Variants in PHYHIP observed in about 807,000 individuals in gnomAD.
The protein encoded by PHYHIP is phytanoyl-CoA 2-hydroxylase interacting protein, also known as phytanoyl-CoA hydroxylase-interacting protein.
Under a neutral mutation model 26.1 loss-of-function variants are expected in PHYHIP, and 7 were observed. The ratio of observed to expected loss-of-function variants is 0.27; its 90% CI spans 0.15 to 0.50. The LOEUF is 0.50. PHYHIP is among the 20% of genes least tolerant of loss of function. PHYHIP has a pLI of 0.98. For missense variants in PHYHIP, 232 were observed against 454.7 expected, an observed-to-expected ratio of 0.51 and a Z score of 4.45; for synonymous variants, 206 against 183.4, an observed-to-expected ratio of 1.12 and a Z score of -1.00.
Position 22,228,334 on chromosome 8 carries a change from G to A in PHYHIP, c.24C>T (p.His8=). Reference sequence around the variant, plus strand: ...AGGTGATGTTGTTGATCTCAATGCTGTGGGGCGTGGACAGCAGCTCCATGC... The same window carrying A: ...AGGTGATGTTGTTGATCTCAATGCTATGGGGCGTGGACAGCAGCTCCATGC... The part of the protein sequence containing the change: MELLSTP[H]SIEINNITCD... Residue 8 remains histidine (H), a synonymous_variant, in exon 2 of 5, where the codon CAC becomes CAT. Transcript: ENST00000454243. 1 of 1,603,288 alleles carries A rather than the reference G, an allele frequency of 6.2e-7. No individual in the cohort carries two copies. Among genetic ancestry groups the A allele is most frequent in the Non-Finnish European group, 8.5e-7 (1 of 1,175,278 alleles).
chr8:22,222,570 C>T (rs879703422), intron 4 of PHYHIP, among the ~76,000 whole-genome samples: 1 of 152,224 alleles, frequency 6.6e-6, no homozygotes, highest in African/African-American at 2.4e-5. Flanking sequence ...CTGGCCAGGA[C>T]ACTGAACTGT....
chr8:22,225,147 C>T (rs1829716973), intron 3 of PHYHIP, among the ~76,000 whole-genome samples: 2 of 152,116 alleles, frequency 1.3e-5, no homozygotes, highest in African/African-American at 2.4e-5. Flanking sequence ...GCTTTCCCCA[C>T]CAGGAGCAAG....
intron 3 of PHYHIP, among the ~76,000 whole-genome samples, chr8:22,224,906 C>G (rs896780312): frequency 2.0e-5 from 3 of 152,116 alleles, no homozygotes; most frequent in Non-Finnish European, 4.4e-5. Context: ...TCAGGAGAAA[C>G]AGGGAAGGCT....
rs150364926 is a variant in PHYHIP at position 22,220,377 on chromosome 8, G to A, written c.*976C>T. On this transcript the variant is annotated 3_prime_UTR_variant, in exon 5 of 5. Coordinates refer to ENST00000454243, the MANE Select transcript of PHYHIP (RefSeq NM_014759.5). The stretch of plus-strand genomic sequence containing the variant: ...GAGCAGCAGAGGGTCCACAGTCCAG[G>A]TCACGCATGGGCACAGTACAGTCAT... The A allele has an allele frequency of 2.8e-3, 422 of 152,838 alleles. 4 individuals are homozygous for A. The highest frequency in any genetic ancestry group is 4.5e-3 in the Non-Finnish European group (310 of 68,446). 9.5% of individuals were successfully genotyped at this position (152,838 alleles called of 1,614,324 possible). A position where few individuals can be genotyped will look rare whatever the true frequency, so the allele number is the denominator to read the frequency against.
intron 3 of PHYHIP, among the ~76,000 whole-genome samples, 199 bp from the exon 4 acceptor site, chr8:22,224,542 A>G (rs1232018279): frequency 1.3e-5 from 2 of 152,202 alleles, no homozygotes; most frequent in South Asian, 2.1e-4. Context: ...AGAGCGCTGC[A>G]TACTGTCTGT....
intron 3 of PHYHIP, among the ~76,000 whole-genome samples, chr8:22,224,926 A>G (rs1013530439): frequency 4.6e-5 from 7 of 152,192 alleles, no homozygotes; most frequent in Non-Finnish European, 1.0e-4. Context: ...TGGAAACAGG[A>G]TAGCAACATT....
At chr8:22,231,472 C>T (rs1229154158) in intron 1 of PHYHIP, among the ~76,000 whole-genome samples, 5 of 152,254 alleles carry the variant, frequency 3.3e-5, no homozygotes, top group Non-Finnish European at 7.3e-5. Context: ...CGCACACACA[C>T]ACGCCGCGCA....
At chr8:22,224,386 A>G (rs1169662963) in intron 3 of PHYHIP, 43 bp from the exon 4 acceptor site, 1 of 1,173,886 alleles carries the variant, frequency 8.5e-7, no homozygotes, top group Non-Finnish European at 1.3e-6. Flanking sequence ...GGGCCAGCTG[A>G]GGAGCACAAA....
intron 1 of PHYHIP, among the ~76,000 whole-genome samples, chr8:22,230,111 G>A (rs1233516790): frequency 6.6e-6 from 1 of 152,164 alleles, no homozygotes; most frequent in Non-Finnish European, 1.5e-5. Flanking sequence ...AAACCAGTTT[G>A]TAATTCATGG....
chr8:22,225,147 C>A (rs1829716973), intron 3 of PHYHIP, among the ~76,000 whole-genome samples: 2 of 152,116 alleles, frequency 1.3e-5, no homozygotes, highest in South Asian at 4.1e-4. Flanking sequence ...GCTTTCCCCA[C>A]CAGGAGCAAG....
intron 1 of PHYHIP, 164 bp from the exon 2 acceptor site, chr8:22,228,550 G>A: frequency 1.5e-5 from 8 of 545,126 alleles, no homozygotes; most frequent in Admixed American, 3.2e-5. Context: ...GGAGAAGGAT[G>A]ATGGAGGGTG....
chr8:22,221,932 C>CT lies in PHYHIP; in HGVS notation c.459-46dup, dbSNP rs1829638763. On this transcript the variant is annotated intron_variant, in intron 4 of 4. Transcript: ENST00000454243. This position sits in a 1 kb window ranked among gnomAD's most constrained non-coding sequence, Gnocchi z 7.9. The stretch of plus-strand genomic sequence containing the variant: ...ACACCAAAGGGAAGAGAAGATGTGG[C>CT]TGGTGAGCCGGGCTGAGGCTTGGCT... 1.4e-6 allele frequency: 2 copies of CT among 1,449,342 alleles called. No individual in the cohort carries two copies. Among genetic ancestry groups the CT allele is most frequent in the African/African-American group, 2.8e-5 (2 of 70,728 alleles). 89.8% of individuals were successfully genotyped at this position (1,449,342 alleles called of 1,614,324 possible).
At chr8:22,228,757 G>T in intron 1 of PHYHIP, 1 of 161,420 alleles carries the variant, frequency 6.2e-6, no homozygotes, top group Non-Finnish European at 1.4e-5. Flanking sequence ...TGGAGAGGAC[G>T]GGTGAGAGGC....
In PHYHIP at chr8:22,230,488, G is replaced by T. The variant is rs577873333; in HGVS notation, c.-30+1308C>A. On this transcript the variant is annotated intron_variant, in intron 1 of 4. Coordinates refer to ENST00000454243, the MANE Select transcript of PHYHIP (RefSeq NM_014759.5). The stretch of plus-strand genomic sequence containing the variant: ...GGGTGGCAGTGAGTGAGCTGGGGTG[G>T]ACAGAGGGGTGGGTGTGAACCCAAG... Among the ~76,000 whole-genome samples, 3 of 152,188 alleles carry T rather than the reference G, an allele frequency of 2.0e-5. No individual in the cohort carries two copies. The South Asian group carries it at 6.2e-4, about 32-fold the overall frequency.
Position 22,221,732 on chromosome 8 carries a change from C to T in PHYHIP, c.614G>A (p.Arg205His). Residue 205 changes from arginine (R) to histidine (H), a missense_variant, in exon 5 of 5, where the codon CGC (arginine) becomes CAC (histidine). Arg to His is a conservative substitution (Grantham distance 29, BLOSUM62 0). Coordinates refer to ENST00000454243, the MANE Select transcript of PHYHIP (RefSeq NM_014759.5). The surrounding 1 kb of genome is among the most constrained non-coding windows in gnomAD (Gnocchi z 7.9). Reference protein sequence around the residue: ...PPQDSPYGRWRFQIPAQRLFN... With the variant: ...PPQDSPYGRWHFQIPAQRLFN... Reference sequence around the variant, plus strand: ...GAGGCGCTGAGCTGGGATCTGGAAGCGCCAGCGGCCGTAGGGGGAGTCCTG... The same window carrying T: ...GAGGCGCTGAGCTGGGATCTGGAAGTGCCAGCGGCCGTAGGGGGAGTCCTG... The T allele has an allele frequency of 1.2e-6, 2 of 1,613,090 alleles. No individual in the cohort carries two copies. Among genetic ancestry groups the T allele is most frequent in the Non-Finnish European group, 1.7e-6 (2 of 1,179,796 alleles).
intron 4 of PHYHIP, among the ~76,000 whole-genome samples, chr8:22,223,197 A>C (rs1829666985): frequency 6.6e-6 from 1 of 151,880 alleles, no homozygotes; most frequent in Non-Finnish European, 1.5e-5. Flanking sequence ...ACCCCACTTC[A>C]TTAAAAATAC....
chr8:22,228,129 C>T (rs528818252), intron 2 of PHYHIP, 64 bp downstream of exon 2: 2 of 1,367,052 alleles, frequency 1.5e-6, no homozygotes, highest in East Asian at 4.6e-5. Context: ...TCCAGGTGTT[C>T]CCTTATCCGG....
Position 22,219,897 on chromosome 8 carries a change from T to G in PHYHIP, c.*1456A>C, listed in dbSNP as rs1293321536. 6.6e-6 allele frequency: 1 copy of G among 152,532 alleles called. No homozygotes were observed. The highest frequency in any genetic ancestry group is 2.4e-5 in the African/African-American group (1 of 41,434). The allele number at this position is 152,532 out of a possible 1,614,324, so 9.4% of individuals were successfully genotyped here. ...CATGTTCTCTCCTTCTCCACACCTC[T>G]CCCCAAGCCTCCAGGCCTCCTGACT... is the stretch of plus-strand genomic sequence containing the variant. On this transcript the variant is annotated 3_prime_UTR_variant, in exon 5 of 5. Coordinates refer to ENST00000454243, the MANE Select transcript of PHYHIP (RefSeq NM_014759.5).
chr8:22,229,598 G>A (rs1259333911), intron 1 of PHYHIP, among the ~76,000 whole-genome samples: 1 of 152,138 alleles, frequency 6.6e-6, no homozygotes, highest in Non-Finnish European at 1.5e-5. Context: ...TCTGGGAGGG[G>A]ACAGCAGACG....
Sources: gnomAD v4.1 joint callset for allele counts (sites outside exome capture counted in the v4.1 genomes callset) on GRCh38, gnomAD v4.1.1 for gene constraint, Gnocchi (gnomAD v3.1) non-coding constraint, MANE v1.5 for transcripts, NCBI Gene and HGNC (gene_info 2026-07-23, HGNC 2026-07-21) for gene names.